SGCZ: variants seen among roughly 807,000 people sequenced by gnomAD.
SGCZ encodes sarcoglycan zeta, also known as zeta-sarcoglycan.
Under a neutral mutation model 41.3 loss-of-function variants are expected in SGCZ, and 40 were observed. The observed-to-expected ratio is 0.97, with a 90% confidence interval of 0.75 to 1.26. The LOEUF (loss-of-function observed/expected upper bound fraction) is 1.26, where lower values mean the gene tolerates loss of function less well. SGCZ is among the 50% of genes most tolerant of loss of function. The pLI is 0.00. For missense variants in SGCZ, 552 were observed against 369.8 expected, an observed-to-expected ratio of 1.49 and a Z score of -4.04; for synonymous variants, 206 against 137.5, an observed-to-expected ratio of 1.50 and a Z score of -3.49.
chr8:15,185,436 T>G (rs914576983), intron 1 of SGCZ, among the ~76,000 whole-genome samples: 2 of 152,236 alleles, frequency 1.3e-5, no homozygotes, highest in African/African-American at 2.4e-5. Context: ...AAGTACTCAC[T>G]GAGACACTGC....
At chr8:14,558,365 A>G (rs979073481) in intron 1 of SGCZ, among the ~76,000 whole-genome samples, 5 of 152,086 alleles carry the variant, frequency 3.3e-5, no homozygotes, top group South Asian at 4.1e-4. Context: ...ACTTGAGGTC[A>G]GGAGTTTAAG....
chr8:14,808,842 G>A (rs374971359), intron 1 of SGCZ, among the ~76,000 whole-genome samples: 28 of 151,548 alleles, frequency 1.8e-4, no homozygotes, highest in African/African-American at 4.6e-4. Context: ...AATGTCCAAC[G>A]ATGATAGACT....
chr8:14,901,868 A>G (rs1798982867), intron 1 of SGCZ, among the ~76,000 whole-genome samples: 1 of 152,186 alleles, frequency 6.6e-6, no homozygotes, highest in African/African-American at 2.4e-5. Context: ...TATCCTACAT[A>G]CATAAGTAAA....
At chr8:14,542,267 C>T (rs1469074415) in intron 2 of SGCZ, among the ~76,000 whole-genome samples, 1 of 151,906 alleles carries the variant, frequency 6.6e-6, no homozygotes, top group African/African-American at 2.4e-5. Context: ...AGTTTTCTTT[C>T]TAATATCTTA....
intron 1 of SGCZ, among the ~76,000 whole-genome samples, chr8:14,810,075 A>T (rs1344696683): frequency 1.3e-5 from 2 of 152,082 alleles, no homozygotes; most frequent in Non-Finnish European, 2.9e-5. Flanking sequence ...ATTTTAGAAA[A>T]AGTGTGAAAT....
At chr8:14,313,223 G>C (rs1801604448) in intron 3 of SGCZ, among the ~76,000 whole-genome samples, 1 of 152,154 alleles carries the variant, frequency 6.6e-6, no homozygotes, top group Non-Finnish European at 1.5e-5. Context: ...TACTTGAAAA[G>C]TACTTAATAA....
chr8:14,247,664 C>T (rs2117197694), intron 3 of SGCZ, among the ~76,000 whole-genome samples: 1 of 152,270 alleles, frequency 6.6e-6, no homozygotes, highest in South Asian at 2.1e-4. Flanking sequence ...AGGAGATATC[C>T]TCCTCTTAGC....
rs1807535018 is a variant in SGCZ at position 14,655,412 on chromosome 8, C to A, written c.40-100486G>T. Among the ~76,000 whole-genome samples, 4 of 152,096 alleles carry A rather than the reference C, an allele frequency of 2.6e-5. No individual in the cohort carries two copies. The South Asian group carries it at 8.3e-4, about 32-fold the overall frequency. ...ATTTGTATAACAATTCTTGTAATTT[C>A]CTGCATGCGTAACTTGAGGGACAAA... On this transcript the variant is annotated intron_variant, in intron 1 of 7. Transcript: ENST00000382080.
chr8:14,157,566 G>C (rs939632054), intron 5 of SGCZ, among the ~76,000 whole-genome samples: 1 of 150,828 alleles, frequency 6.6e-6, no homozygotes, highest in African/African-American at 2.4e-5. Flanking sequence ...TTATTTGTTA[G>C]TTGTAAAATA....
intron 1 of SGCZ, among the ~76,000 whole-genome samples, chr8:14,950,394 T>C (rs1800594908): frequency 6.6e-6 from 1 of 151,906 alleles, no homozygotes; most frequent in African/African-American, 2.4e-5. Context: ...TCCTGTTTTG[T>C]TGTTCAGTCT....
chr8:15,150,231 C>T (rs574716126), intron 1 of SGCZ, among the ~76,000 whole-genome samples: 1 of 115,882 alleles, frequency 8.6e-6, no homozygotes, highest in Non-Finnish European at 2.1e-5. Flanking sequence ...ATAAACATAC[C>T]AATATGTTTG....
At chr8:15,063,176 T>A (rs910118831) in intron 1 of SGCZ, among the ~76,000 whole-genome samples, 2 of 152,148 alleles carry the variant, frequency 1.3e-5, no homozygotes, top group African/African-American at 4.8e-5. Context: ...TCGATAGACT[T>A]CATTTTCTTT....
intron 2 of SGCZ, among the ~76,000 whole-genome samples, chr8:14,440,562 T>C (rs1351773496): frequency 6.6e-6 from 1 of 152,064 alleles, no homozygotes; most frequent in Non-Finnish European, 1.5e-5. Context: ...TCATCTAATA[T>C]CTCTATTTTC....
intron 1 of SGCZ, among the ~76,000 whole-genome samples, chr8:15,157,956 C>A (rs940655425): frequency 2.6e-5 from 4 of 152,184 alleles, no homozygotes; most frequent in African/African-American, 9.7e-5. Context: ...TCCAGGGCCG[C>A]TCTTGCCCAG....
At chr8:14,875,576 T>C (rs948764560) in intron 1 of SGCZ, among the ~76,000 whole-genome samples, 2 of 152,056 alleles carry the variant, frequency 1.3e-5, no homozygotes, top group Non-Finnish European at 2.9e-5. Context: ...TAGCTGGCAA[T>C]AAAATACTAA....
intron 2 of SGCZ, among the ~76,000 whole-genome samples, chr8:14,374,335 C>A (rs990708605): frequency 1.3e-5 from 2 of 151,912 alleles, no homozygotes; most frequent in African/African-American, 4.8e-5. Flanking sequence ...ACAGAGAGAC[C>A]CTGTCTCAAA....
chr8:14,338,311 C>T (rs747553318), intron 2 of SGCZ, among the ~76,000 whole-genome samples: 44 of 152,308 alleles, frequency 2.9e-4, no homozygotes, highest in Middle Eastern at 3.4e-3. Flanking sequence ...GGAGCACCAA[C>T]AATAGAAAAC....
At chr8:14,680,964 GAAA>G (rs71209075) in intron 1 of SGCZ, among the ~76,000 whole-genome samples, 4 of 117,938 alleles carry the variant, frequency 3.4e-5, no homozygotes, top group Non-Finnish European at 6.7e-5. Context: ...AAAAGAGTGG[GAAA>G]AAAAAAAAAA....
intron 2 of SGCZ, among the ~76,000 whole-genome samples, chr8:14,325,747 CAT>C (rs370021799): frequency 0.044 from 2,973 of 68,072 alleles, 27 homozygotes; most frequent in Non-Finnish European, 0.072. Flanking sequence ...CACACACACA[CAT>C]ATATATATAT....
Sources: gnomAD v4.1 joint callset for allele counts (sites outside exome capture counted in the v4.1 genomes callset) on GRCh38, gnomAD v4.1.1 for gene constraint, MANE v1.5 for transcripts, NCBI Gene and HGNC (gene_info 2026-07-23, HGNC 2026-07-21) for gene names.